DMXL1: variants seen among roughly 807,000 people sequenced by gnomAD.
DMXL1 encodes Dmx like 1, also known as dmX-like protein 1.
In DMXL1, 99 loss-of-function variants were observed where a neutral mutation model predicts 319.2. The ratio of observed to expected loss-of-function variants is 0.31; its 90% CI spans 0.26 to 0.37. The LOEUF is 0.37. Among genes scored for constraint, DMXL1 ranks in the 10% least tolerant of loss-of-function variants. DMXL1 has a pLI of 1.00. For missense variants in DMXL1, 3,745 were observed against 3,595.6 expected (o/e 1.04, Z -1.06); for synonymous variants, 1,385 against 1,235.2 (o/e 1.12, Z -2.54).
chr5:119,202,899 A>G (rs1781060970), intron 32 of DMXL1, among the ~76,000 whole-genome samples: 1 of 144,676 alleles, frequency 6.9e-6, no homozygotes, highest in Admixed American at 7.0e-5. Context: ...ATATATATAT[A>G]TATATATTTA....
intron 31 of DMXL1, among the ~76,000 whole-genome samples, chr5:119,197,492 A>T (rs1581264324): frequency 6.6e-6 from 1 of 152,194 alleles, no homozygotes; most frequent in African/African-American, 2.4e-5. Flanking sequence ...TAATCTTCAG[A>T]TACATTTTTC....
chr5:119,221,347 G>A (rs1346594396), intron 37 of DMXL1, among the ~76,000 whole-genome samples: 1 of 152,090 alleles, frequency 6.6e-6, no homozygotes, highest in South Asian at 2.1e-4. Flanking sequence ...TTCAGATCAG[G>A]CTTCAGCAAG....
intron 43 of DMXL1, 111 bp from the exon 44 acceptor site, chr5:119,246,884 T>C (rs771145066): frequency 7.2e-5 from 52 of 723,642 alleles, no homozygotes; most frequent in Non-Finnish European, 1.1e-4. Flanking sequence ...CTGCCTGCCT[T>C]GACCTCCCAA....
chr5:119,096,789 CTTTCTT>C (rs1365102494), intron 1 of DMXL1, among the ~76,000 whole-genome samples: 1 of 152,196 alleles, frequency 6.6e-6, no homozygotes, highest in Non-Finnish European at 1.5e-5. Context: ...GCTATGTATA[CTTTCTT>C]TTGTTGTGAT....
chr5:119,171,027 A>G lies in DMXL1; in HGVS notation c.6236A>G (p.Asp2079Gly), dbSNP rs986892454. ...ALQRTCDFCS[D>G]AEELQSAFGR... ...CAGAGGACTTGTGACTTTTGCTCAGATGCTGAAGAACTACAGTCTGCATTT... is the reference window on the plus strand; with the variant it reads ...CAGAGGACTTGTGACTTTTGCTCAGGTGCTGAAGAACTACAGTCTGCATTT... The change falls in exon 24 of 44, where the codon GAT (aspartate) becomes GGT (glycine). Residue 2079 changes from aspartate (D) to glycine (G), a missense_variant. By Grantham distance (94) the Asp-to-Gly change is moderately conservative. This residue lies in a region of DMXL1 where 1,382 missense variants were observed against 1,269.5 expected (regional missense o/e 1.09). Coordinates refer to ENST00000539542, the MANE Select transcript of DMXL1 (RefSeq NM_001290321.3). The G allele has an allele frequency of 4.3e-6, 7 of 1,613,812 alleles. No homozygotes were observed. In the African/African-American group the frequency reaches 6.7e-5, roughly 15 times the overall value.
chr5:119,082,571 G>A (rs1284943482), intron 1 of DMXL1, among the ~76,000 whole-genome samples: 1 of 152,174 alleles, frequency 6.6e-6, no homozygotes, highest in East Asian at 1.9e-4. Context: ...GAGCTGCCAT[G>A]CCTGGCCTTA....
rs186011646 is a variant in DMXL1 at position 119,228,452 on chromosome 5, A to G, written c.8338+3683A>G. Among the ~76,000 whole-genome samples, 7 of 152,348 alleles carry G rather than the reference A, an allele frequency of 4.6e-5. No individual in the cohort carries two copies. The South Asian group carries it at 1.2e-3, about 27-fold the overall frequency. The stretch of plus-strand genomic sequence containing the variant: ...ATATTTTAACAAAATAACTGAAAGT[A>G]TGGCTGATAACATTATACAAGGACA... On this transcript the variant is annotated intron_variant, in intron 38 of 43. Transcript: ENST00000539542.
At chr5:119,092,263 CTTTTTCT>C (rs1754968670) in intron 1 of DMXL1, among the ~76,000 whole-genome samples, 1 of 151,550 alleles carries the variant, frequency 6.6e-6, no homozygotes, top group Non-Finnish European at 1.5e-5. Context: ...TTTGGGTTTT[CTTTTTCT>C]TTTATTTAAG....
chr5:119,247,361 C>T lies in DMXL1; in HGVS notation c.*142C>T. On this transcript the variant is annotated 3_prime_UTR_variant, in exon 44 of 44. Transcript: ENST00000539542. ...ATTTTATGGAGCTTTGCCCTTGATGCACTGATGCCTTAAAAATTAACAAGG... is the reference window on the plus strand; with the variant it reads ...ATTTTATGGAGCTTTGCCCTTGATGTACTGATGCCTTAAAAATTAACAAGG... 4 of 611,868 alleles carry T rather than the reference C, an allele frequency of 6.5e-6. No individual in the cohort carries two copies. The South Asian group carries it at 7.1e-5, about 11-fold the overall frequency. 37.9% of individuals were successfully genotyped at this position (611,868 alleles called of 1,614,324 possible). A position where few individuals can be genotyped will look rare whatever the true frequency, so the allele number is the denominator to read the frequency against.
chr5:119,151,434 T>G (rs887847221), intron 18 of DMXL1, among the ~76,000 whole-genome samples: 1 of 152,198 alleles, frequency 6.6e-6, no homozygotes, highest in Non-Finnish European at 1.5e-5. Context: ...TTGACACTTT[T>G]AGAGATATTA....
intron 1 of DMXL1, among the ~76,000 whole-genome samples, chr5:119,094,655 A>G (rs1755528544): frequency 6.6e-6 from 1 of 152,154 alleles, no homozygotes; most frequent in Non-Finnish European, 1.5e-5. Flanking sequence ...CCTCTGATTG[A>G]TCTGGACAAA....
At chr5:119,132,804 G>A (rs2150047023) in intron 10 of DMXL1, 1 of 541,876 alleles carries the variant, frequency 1.8e-6, no homozygotes. Flanking sequence ...TAGGTGTTAT[G>A]GTAACAAATG....
chr5:119,169,264 T>C (rs1774073311), intron 23 of DMXL1, among the ~76,000 whole-genome samples: 1 of 152,238 alleles, frequency 6.6e-6, no homozygotes, highest in East Asian at 1.9e-4. Flanking sequence ...ACTTTTATTA[T>C]GAATTAAACT....
chr5:119,203,578 A>G (rs1189945318), intron 33 of DMXL1, 142 bp downstream of exon 33: 2 of 358,396 alleles, frequency 5.6e-6, no homozygotes, highest in African/African-American at 4.3e-5. Flanking sequence ...AGAACAGTGT[A>G]ATTTATAAAA....
In DMXL1 at chr5:119,150,302, A is replaced by T; in HGVS notation, c.4475A>T (p.His1492Leu). The change falls in exon 18 of 44, where the codon CAC (histidine) becomes CTC (leucine). Residue 1492 changes from histidine to leucine, a missense_variant. This residue lies in a region of DMXL1 where 2,096 missense variants were observed against 1,985.4 expected (regional missense o/e 1.06). Transcript: ENST00000539542. ...GAGCATGCTCAGGTTCTTTCTGGCC[A>T]CTTACTTCATTCTAGTTTACCAGGA... ...GPEHAQVLSG[H>L]LLHSSLPGLS... The T allele has an allele frequency of 6.2e-7, 1 of 1,613,824 alleles. No homozygotes were observed. Among genetic ancestry groups the T allele is most frequent in the Non-Finnish European group, 8.5e-7 (1 of 1,179,826 alleles).
intron 9 of DMXL1, among the ~76,000 whole-genome samples, chr5:119,123,319 A>AAGGGGAGAGGGAGAG: frequency 1.1e-5 from 1 of 91,568 alleles, no homozygotes. Flanking sequence ...AGACCGTGGA[A>AAGGGGAGAGGGAGAG]AGGGGAGAGG....
rs749560515 is a variant in DMXL1, at chr5:119,149,026, A to G, written c.3199A>G (p.Asn1067Asp). ...AGTAGCTTATAAGCAGCCTGCATCTAATAGTAGATCTTCCCAGGACTTTGT... is the reference window on the plus strand; with the variant it reads ...AGTAGCTTATAAGCAGCCTGCATCTGATAGTAGATCTTCCCAGGACTTTGT... ...LAVAYKQPAS[N>D]SRSSQDFVMH... The change falls in exon 18 of 44, where the codon AAT becomes GAT. Residue 1067 changes from asparagine to aspartate, a missense_variant. Coordinates refer to ENST00000539542, the MANE Select transcript of DMXL1 (RefSeq NM_001290321.3). 1.2e-6 allele frequency: 2 copies of G among 1,613,928 alleles called. No individual in the cohort carries two copies. Among genetic ancestry groups the G allele is most frequent in the South Asian group, 2.2e-5 (2 of 91,086 alleles).
intron 4 of DMXL1, among the ~76,000 whole-genome samples, chr5:119,107,736 A>G (rs964083226): frequency 1.3e-5 from 2 of 152,200 alleles, no homozygotes; most frequent in African/African-American, 4.8e-5. Context: ...TGGTAAGTTC[A>G]AAAGTGGAAT....
At chr5:119,152,170 T>C in intron 19 of DMXL1, 134 bp downstream of exon 19, 1 of 604,844 alleles carries the variant, frequency 1.7e-6, no homozygotes, top group East Asian at 2.9e-5. Flanking sequence ...CCTTTATTTG[T>C]TAAAATGTTT....
Sources: gnomAD v4.1 joint callset for allele counts (sites outside exome capture counted in the v4.1 genomes callset) on GRCh38, gnomAD v4.1.1 for gene constraint, gnomAD v4.1.1 regional missense constraint, MANE v1.5 for transcripts, NCBI Gene and HGNC (gene_info 2026-07-23, HGNC 2026-07-21) for gene names.